The following CX3CR1 variants were observed in gnomAD, a reference collection of about 807,000 sequenced individuals.
CX3CR1 encodes the protein CX3C chemokine receptor 1.
For synonymous variants in CX3CR1, 168 were observed against 178.5 expected (o/e 0.94, Z 0.47); for missense variants, 363 against 432.4 (o/e 0.84, Z 1.42).
the CX3CR1 span, among the ~76,000 whole-genome samples, chr3:39,291,150 G>A: frequency 6.0e-5 from 9 of 151,000 alleles, no homozygotes; most frequent in East Asian, 2.0e-4. Context: ...TCCACCTCCC[G>A]GGTTCAAGCA....
In CX3CR1 at chr3:39,276,452, G is replaced by C. The variant is rs1442222359; in HGVS notation, c.-10+3502C>G. On this transcript the variant is annotated intron_variant, in intron 1 of 1. Transcript: ENST00000399220. ...CTCATGGAAATACAAATTTTGTCTA[G>C]TGGAGATGCACTGGATTAAGTGCCC... Among the ~76,000 whole-genome samples, 8 of 152,168 alleles carry C rather than the reference G, an allele frequency of 5.3e-5. No homozygotes were observed. In the East Asian group the frequency reaches 1.5e-3, roughly 29 times the overall value.
At chr3:39,273,505 T>C (rs1220145007) in intron 1 of CX3CR1, among the ~76,000 whole-genome samples, 1 of 152,238 alleles carries the variant, frequency 6.6e-6, no homozygotes, top group Non-Finnish European at 1.5e-5. Flanking sequence ...TGAGCATGAA[T>C]GGCTGAGAGA....
upstream of CX3CR1, among the ~76,000 whole-genome samples, chr3:39,280,720 C>T (rs1222427486): frequency 6.6e-6 from 1 of 152,206 alleles, no homozygotes; most frequent in Non-Finnish European, 1.5e-5. Context: ...GGCCTATGCT[C>T]CTTTCACAGT....
chr3:39,284,698 G>A (rs1397240324), upstream of CX3CR1, among the ~76,000 whole-genome samples: 3 of 152,184 alleles, frequency 2.0e-5, no homozygotes, highest in Admixed American at 2.0e-4. Flanking sequence ...TCACTTTCTA[G>A]TCAGGTATTA....
upstream of CX3CR1, among the ~76,000 whole-genome samples, chr3:39,283,624 A>G (rs1181181301): frequency 6.6e-6 from 1 of 151,088 alleles, no homozygotes; most frequent in Non-Finnish European, 1.5e-5. Flanking sequence ...TACTAAAAAT[A>G]TAAAAATTAG....
chr3:39,280,060 T>C, upstream of CX3CR1: 1 of 984,156 alleles, frequency 1.0e-6, no homozygotes, highest in Non-Finnish European at 1.2e-6. Flanking sequence ...CTAAGAGCAT[T>C]TTATTTGCAG....
the CX3CR1 span, among the ~76,000 whole-genome samples, chr3:39,292,369 A>C: frequency 6.6e-6 from 1 of 152,166 alleles, no homozygotes; most frequent in Non-Finnish European, 1.5e-5. Context: ...GTGACTTCCT[A>C]AAGTCAGACC....
In CX3CR1 at chr3:39,265,730, G is replaced by A. The variant is rs754091012; in HGVS notation, c.780C>T (p.Asp260=). The A allele has an allele frequency of 1.9e-6, 3 of 1,614,228 alleles. No homozygotes were observed. Among genetic ancestry groups the A allele is most frequent in the African/African-American group, 1.3e-5 (1 of 75,056 alleles). ...TCCTCATGTCACAACTGGGAAAGAA[G>A]TCATAGAGCTTAAGCGTCTCCAGGA... The part of the protein sequence containing the change: ...MIFLETLKLY[D]FFPSCDMRKD... Residue 260 remains aspartate, a synonymous_variant, in exon 2 of 2, where the codon GAC becomes GAT. Transcript: ENST00000399220.
At chr3:39,282,574 A>G (rs6783639), upstream of CX3CR1, among the ~76,000 whole-genome samples, 50,349 of 151,950 alleles carry the variant, frequency 0.33, 9,677 homozygotes, top group East Asian at 0.71. Flanking sequence ...TGGTGGGGAC[A>G]CCCTGGACAG....
chr3:39,281,156 G>C (rs1214776541), upstream of CX3CR1: 2 of 1,017,656 alleles, frequency 2.0e-6, no homozygotes, highest in African/African-American at 1.7e-5. Flanking sequence ...GCAGTGCTGC[G>C]GGCTTGGTGG....
rs372697125 is a variant in CX3CR1 at position 39,266,300 on chromosome 3, G to A, written c.210C>T (p.Leu70=). 8.1e-6 allele frequency: 13 copies of A among 1,614,088 alleles called. No individual in the cohort carries two copies. The African/African-American group carries it at 1.6e-4, about 20-fold the overall frequency. Residue 70 remains leucine (L), a synonymous_variant, in exon 2 of 2, where the codon CTC becomes CTT. Coordinates refer to ENST00000399220, the MANE Select transcript of CX3CR1 (RefSeq NM_001337.4). The part of the protein sequence containing the change: ...KKPKSVTDIY[L]LNLALSDLLF... ...GCAGATCAGACAAGGCCAGGTTCAGGAGGTAAATGTCGGTGACACTCTTGG... is the reference window on the plus strand; with the variant it reads ...GCAGATCAGACAAGGCCAGGTTCAGAAGGTAAATGTCGGTGACACTCTTGG...
chr3:39,289,779 G>A, the CX3CR1 span, among the ~76,000 whole-genome samples: 5 of 152,088 alleles, frequency 3.3e-5, no homozygotes, highest in African/African-American at 7.2e-5. Context: ...AATCCAACAG[G>A]ACTGGTGTCC....
At chr3:39,287,502 G>A in the CX3CR1 span, 2 of 152,148 alleles carry the variant, frequency 1.3e-5, no homozygotes, top group Non-Finnish European at 2.9e-5. Context: ...AGAGCCAAAT[G>A]GAGATGCCAT....
At chr3:39,283,334 T>C (rs1441472273), upstream of CX3CR1, among the ~76,000 whole-genome samples, 1 of 152,204 alleles carries the variant, frequency 6.6e-6, no homozygotes, top group African/African-American at 2.4e-5. Context: ...GTCTATGCTG[T>C]GCATTCTTAG....
At chr3:39,282,048 C>T (rs765241930), upstream of CX3CR1, among the ~76,000 whole-genome samples, 3 of 152,144 alleles carry the variant, frequency 2.0e-5, no homozygotes, top group Non-Finnish European at 2.9e-5. Flanking sequence ...CCTTGGGTAA[C>T]GTGCCATTTT....
chr3:39,270,568 A>C (rs1229576514), intron 1 of CX3CR1, among the ~76,000 whole-genome samples: 1 of 152,246 alleles, frequency 6.6e-6, no homozygotes, highest in African/African-American at 2.4e-5. Flanking sequence ...TAAGTGAAAA[A>C]AGCTAGGTGA....
intron 1 of CX3CR1, among the ~76,000 whole-genome samples, chr3:39,268,115 G>C (rs892993317): frequency 6.6e-6 from 1 of 152,180 alleles, no homozygotes; most frequent in Non-Finnish European, 1.5e-5. Flanking sequence ...TCACCAAGAT[G>C]AGGGCCCACC....
rs1360637008 is a variant in CX3CR1, at chr3:39,265,866, A to G, written c.644T>C (p.Ile215Thr). The change falls in exon 2 of 2, where the codon ATC becomes ACC. Residue 215 changes from isoleucine (I) to threonine (T), a missense_variant. By Grantham distance (89) the Ile-to-Thr change is moderately conservative. Transcript: ENST00000399220. Reference sequence around the variant, plus strand: ...GTTCTTGCAGGAAAACAGCGTCTGGATGATTCTGAAGTAGCAATAACTCAT... The same window carrying G: ...GTTCTTGCAGGAAAACAGCGTCTGGGTGATTCTGAAGTAGCAATAACTCAT... Reference protein sequence around the residue: ...LIMSYCYFRIIQTLFSCKNHK... With the variant: ...LIMSYCYFRITQTLFSCKNHK... 8 of 1,614,240 alleles carry G rather than the reference A, an allele frequency of 5.0e-6. No homozygotes were observed. Among genetic ancestry groups the G allele is most frequent in the Non-Finnish European group, 6.8e-6 (8 of 1,180,050 alleles).
chr3:39,284,130 G>A (rs1397200557), upstream of CX3CR1, among the ~76,000 whole-genome samples: 1 of 151,312 alleles, frequency 6.6e-6, no homozygotes, highest in Non-Finnish European at 1.5e-5. Context: ...ATATCTAAAA[G>A]GACTTGTTGG....
Sources: allele counts gnomAD v4.1 joint callset (sites outside exome capture counted in the v4.1 genomes callset), GRCh38; gene constraint gnomAD v4.1.1; transcripts MANE v1.5; gene names NCBI Gene and HGNC (gene_info 2026-07-23, HGNC 2026-07-21).